MTMR7: variants seen among roughly 807,000 people sequenced by gnomAD.
MTMR7 encodes phosphatidylinositol-3-phosphate phosphatase MTMR7.
Under a neutral mutation model 81.2 loss-of-function variants are expected in MTMR7, and 76 were observed. That is an observed-to-expected ratio of 0.94 (90% confidence interval 0.78 to 1.13). MTMR7 has a LOEUF of 1.13. MTMR7 is among the 50% of genes most tolerant of loss of function. The pLI is 0.00. For missense variants in MTMR7, 1,044 were observed against 820.0 expected (o/e 1.27, Z -3.34); for synonymous variants, 372 against 289.8 (o/e 1.28, Z -2.88).
chr8:17,316,858 T>C (rs1818112365), intron 7 of MTMR7, among the ~76,000 whole-genome samples: 1 of 151,920 alleles, frequency 6.6e-6, no homozygotes, highest in South Asian at 2.1e-4. Context: ...TGAGAATCTA[T>C]GGGGGCTGGG....
intron 7 of MTMR7, among the ~76,000 whole-genome samples, chr8:17,325,574 A>G (rs1235976388): frequency 6.6e-6 from 1 of 152,162 alleles, no homozygotes; most frequent in Admixed American, 6.5e-5. Flanking sequence ...GATCGCCCAC[A>G]TGCCTGAGCT....
intron 1 of MTMR7, among the ~76,000 whole-genome samples, chr8:17,409,046 A>G (rs938805940): frequency 2.0e-5 from 3 of 152,224 alleles, no homozygotes; most frequent in Admixed American, 6.5e-5. Flanking sequence ...TATGTCAGAT[A>G]CACTGACATC....
Position 17,300,235 on chromosome 8 carries a change from A to G in MTMR7, c.1621-11T>C. On this transcript the variant is annotated splice_polypyrimidine_tract_variant and intron_variant, in intron 13 of 13. Transcript: ENST00000180173. ...AATTTTTTCCAGCCTCTAAGAAAGA[A>G]ATAACAATTTCAGGGGAAAAATCAT... The G allele has an allele frequency of 6.3e-7, 1 of 1,591,184 alleles. No individual in the cohort carries two copies. Among genetic ancestry groups the G allele is most frequent in the South Asian group, 1.1e-5 (1 of 88,118 alleles).
intron 1 of MTMR7, among the ~76,000 whole-genome samples, chr8:17,410,451 A>T (rs1008040058): frequency 6.6e-6 from 1 of 152,200 alleles, no homozygotes; most frequent in African/African-American, 2.4e-5. Flanking sequence ...ATTATGCCTA[A>T]GCTTCCAGCA....
chr8:17,396,327 G>C (rs1174742016), intron 1 of MTMR7, among the ~76,000 whole-genome samples: 1 of 152,106 alleles, frequency 6.6e-6, no homozygotes, highest in Non-Finnish European at 1.5e-5. Flanking sequence ...CACTGACAAG[G>C]GTAACAAAGA....
intron 10 of MTMR7, among the ~76,000 whole-genome samples, chr8:17,307,636 T>A (rs1817541303): frequency 6.6e-6 from 1 of 152,124 alleles, no homozygotes; most frequent in Non-Finnish European, 1.5e-5. Flanking sequence ...GGAACCAACC[T>A]ATATGTCCAA....
At chr8:17,338,771 G>A (rs1819325145) in intron 6 of MTMR7, 2 of 151,132 alleles carry the variant, frequency 1.3e-5, no homozygotes, top group African/African-American at 4.9e-5. Flanking sequence ...TGTGTGTCGT[G>A]CTCTGAGAAT....
chr8:17,411,233 T>C (rs952700843), intron 1 of MTMR7, among the ~76,000 whole-genome samples: 8 of 152,228 alleles, frequency 5.3e-5, no homozygotes, highest in African/African-American at 1.9e-4. Context: ...TATTACAATA[T>C]ATATTTATAC....
intron 4 of MTMR7, among the ~76,000 whole-genome samples, chr8:17,354,484 A>T (rs1326253412): frequency 6.6e-6 from 1 of 152,236 alleles, no homozygotes; most frequent in Non-Finnish European, 1.5e-5. Flanking sequence ...AGACTACCAT[A>T]AGCAAGTGTC....
At position 17,313,359 on chromosome 8, in the gene MTMR7, C is replaced by T. The variant is rs761358625; in HGVS notation, c.908G>A (p.Gly303Asp). 2 of 1,612,924 alleles carry T rather than the reference C, an allele frequency of 1.2e-6. No homozygotes were observed. The highest frequency in any genetic ancestry group is 1.1e-5 in the South Asian group (1 of 90,888). Residue 303 changes from glycine (G) to aspartate (D), a missense_variant, in exon 8 of 14, where the codon GGT becomes GAT. Gly to Asp is a moderately conservative substitution (Grantham distance 94). Coordinates refer to ENST00000180173, the MANE Select transcript of MTMR7 (RefSeq NM_004686.5). ...CCTTAACCAGCCAGAGTTCTCCAGA[C>T]CCCACAGGAAATCACTCATGGAGGG... ...KSPSMSDFLW[G>D]LENSGWLRHI...
chr8:17,304,578 A>T, intron 11 of MTMR7, 59 bp from the exon 12 acceptor site: 2 of 1,537,842 alleles, frequency 1.3e-6, no homozygotes, highest in Non-Finnish European at 8.9e-7. Flanking sequence ...CACAGTAGAT[A>T]TGTTATATTA....
At chr8:17,336,433 G>C (rs1314795190) in intron 6 of MTMR7, among the ~76,000 whole-genome samples, 1 of 152,016 alleles carries the variant, frequency 6.6e-6, no homozygotes, top group African/African-American at 2.4e-5. Flanking sequence ...CTTCACTCTG[G>C]TTGCTGCCAT....
intron 7 of MTMR7, among the ~76,000 whole-genome samples, chr8:17,325,755 G>A (rs762064383): frequency 6.8e-6 from 1 of 146,526 alleles, no homozygotes. Flanking sequence ...ACCCTATCAC[G>A]AGACAAACAC....
At chr8:17,316,463 G>GT (rs1818077865) in intron 7 of MTMR7, among the ~76,000 whole-genome samples, 1 of 94,180 alleles carries the variant, frequency 1.1e-5, no homozygotes, top group Non-Finnish European at 2.0e-5. Flanking sequence ...AAACAGTACA[G>GT]TAAAAAAAAA....
intron 2 of MTMR7, 102 bp downstream of exon 2, chr8:17,373,016 A>C (rs1788400925): frequency 7.0e-7 from 1 of 1,428,414 alleles, no homozygotes; most frequent in Non-Finnish European, 9.5e-7. Flanking sequence ...ATCCAGGCAC[A>C]AAAGCCCACC....
intron 4 of MTMR7, among the ~76,000 whole-genome samples, chr8:17,353,636 C>G (rs1036971761): frequency 1.3e-5 from 2 of 152,078 alleles, no homozygotes; most frequent in African/African-American, 4.8e-5. Context: ...AACCACCTGA[C>G]AAAATTCAGA....
At chr8:17,351,816 C>T (rs887233587) in intron 4 of MTMR7, among the ~76,000 whole-genome samples, 7 of 152,170 alleles carry the variant, frequency 4.6e-5, no homozygotes, top group East Asian at 1.9e-4. Context: ...TCAGTTAACA[C>T]GGGAAGATAC....
At chr8:17,383,020 G>T (rs935584703) in intron 1 of MTMR7, among the ~76,000 whole-genome samples, 1 of 147,612 alleles carries the variant, frequency 6.8e-6, no homozygotes, top group Non-Finnish European at 1.5e-5. Context: ...GTGTTCCTCC[G>T]AGATATGGGG....
intron 5 of MTMR7, among the ~76,000 whole-genome samples, chr8:17,347,024 T>C (rs1014343015): frequency 6.6e-6 from 1 of 151,198 alleles, no homozygotes; most frequent in African/African-American, 2.4e-5. Context: ...GCTTTCCTCG[T>C]CTCTACAAAA....
Sources: allele counts gnomAD v4.1 joint callset (sites outside exome capture counted in the v4.1 genomes callset), GRCh38; gene constraint gnomAD v4.1.1; transcripts MANE v1.5; gene names NCBI Gene and HGNC (gene_info 2026-07-23, HGNC 2026-07-21).